Variants in MYO16 observed in about 807,000 individuals in gnomAD.
MYO16 encodes myosin XVI, also known as unconventional myosin-XVI.
Under a neutral mutation model 205.3 loss-of-function variants are expected in MYO16, and 94 were observed. The observed-to-expected ratio is 0.46, with a 90% CI of 0.39 to 0.54. The LOEUF is 0.54. Ranked by LOEUF, MYO16 falls within the 20% of genes least tolerant of loss-of-function variation. The pLI is 0.00. For missense variants in MYO16, 2,315 were observed against 2,387.5 expected, an observed-to-expected ratio of 0.97 and a Z score of 0.63; for synonymous variants, 988 against 954.0, an observed-to-expected ratio of 1.04 and a Z score of -0.66.
chr13:108,659,275 A>G (rs1419007684), intron 1 of MYO16: 1 of 185,006 alleles, frequency 5.4e-6, no homozygotes, highest in Non-Finnish European at 1.0e-5. Flanking sequence ...TATCATATAT[A>G]TGATAGTATA....
At chr13:108,747,771 G>T (rs1163511881) in intron 4 of MYO16, among the ~76,000 whole-genome samples, 1 of 151,924 alleles carries the variant, frequency 6.6e-6, no homozygotes, top group African/African-American at 2.4e-5. Context: ...TCCAACTCTA[G>T]GTCGTCTACT....
At chr13:108,568,237 A>C in the MYO16 span, among the ~76,000 whole-genome samples, 1 of 152,188 alleles carries the variant, frequency 6.6e-6, no homozygotes, top group Admixed American at 6.5e-5. Flanking sequence ...TTGCTGGGTC[A>C]CATGATAACT....
At chr13:108,625,543 A>T (rs559452383), upstream of MYO16, among the ~76,000 whole-genome samples, 40 of 151,852 alleles carry the variant, frequency 2.6e-4, no homozygotes, top group Non-Finnish European at 5.0e-4. Context: ...GACTCCATTC[A>T]CCCAGAAGCA....
At chr13:109,075,885 G>T (rs184215583) in intron 27 of MYO16, among the ~76,000 whole-genome samples, 1 of 152,176 alleles carries the variant, frequency 6.6e-6, no homozygotes, top group Non-Finnish European at 1.5e-5. Context: ...TGCAGAATTG[G>T]TATTAATTTT....
chr13:109,082,495 AG>A (rs2139672734), intron 27 of MYO16, among the ~76,000 whole-genome samples: 1 of 152,350 alleles, frequency 6.6e-6, no homozygotes, highest in South Asian at 2.1e-4. Flanking sequence ...GGTCTAGCTT[AG>A]GTTACAGGAA....
At chr13:108,824,351 A>G (rs914769370) in intron 9 of MYO16, among the ~76,000 whole-genome samples, 4 of 152,116 alleles carry the variant, frequency 2.6e-5, no homozygotes, top group Non-Finnish European at 4.4e-5. Context: ...ATTGAAAAGC[A>G]TAGAAATACC....
chr13:109,174,877 G>A (rs373904393), intron 33 of MYO16, among the ~76,000 whole-genome samples: 6 of 147,940 alleles, frequency 4.1e-5, no homozygotes, highest in South Asian at 2.2e-4. Flanking sequence ...TCAGCCTCCC[G>A]AGTAGCTGGG....
intron 1 of MYO16, among the ~76,000 whole-genome samples, chr13:108,609,098 G>A (rs963217415): frequency 5.3e-5 from 8 of 152,162 alleles, no homozygotes; most frequent in African/African-American, 1.9e-4. Context: ...GGCAGGTTCA[G>A]CTCCTCTCAC....
the MYO16 span, among the ~76,000 whole-genome samples, chr13:108,535,428 T>C: frequency 6.6e-6 from 1 of 152,218 alleles, no homozygotes; most frequent in Non-Finnish European, 1.5e-5. Flanking sequence ...TTCTATCTGG[T>C]GGCTTCCCAT....
At chr13:108,547,676 T>C in the MYO16 span, among the ~76,000 whole-genome samples, 3 of 152,214 alleles carry the variant, frequency 2.0e-5, no homozygotes, top group Non-Finnish European at 2.9e-5. Flanking sequence ...ATCTAAGAGC[T>C]TACAAATAAA....
Position 108,806,748 on chromosome 13 carries a change from A to C in MYO16, c.811A>C (p.Asn271His). 6.2e-7 allele frequency: 1 copy of C among 1,613,360 alleles called. No individual in the cohort carries two copies. The highest frequency in any genetic ancestry group is 8.5e-7 in the Non-Finnish European group (1 of 1,179,404). The change falls in exon 7 of 35, where the codon AAC becomes CAC. Residue 271 changes from asparagine to histidine, a missense_variant. Around this residue, in one of 3 missense-constraint regions of MYO16, gnomAD observed 1,213 missense variants for 1,274.4 expected, o/e 0.95. Transcript: ENST00000457511. ...TATCCTGGAACATGGTGGAGACCTC[A>C]ACATAGTAGATGATCAGTACTGGAC... ...SLILEHGGDL[N>H]IVDDQYWTPL...
chr13:109,139,625 C>T (rs1876941674), intron 31 of MYO16, among the ~76,000 whole-genome samples: 1 of 152,114 alleles, frequency 6.6e-6, no homozygotes, highest in Admixed American at 6.6e-5. Flanking sequence ...CTGAGCTCTC[C>T]GAAAAAGAAA....
intron 1 of MYO16, among the ~76,000 whole-genome samples, chr13:108,659,785 C>A (rs548017843): frequency 6.6e-6 from 1 of 152,312 alleles, no homozygotes; most frequent in Admixed American, 6.5e-5. Context: ...TATTGACTAC[C>A]TCCTGTTCCA....
At chr13:108,947,670 C>A (rs1179287960) in intron 16 of MYO16, among the ~76,000 whole-genome samples, 1 of 152,200 alleles carries the variant, frequency 6.6e-6, no homozygotes, top group East Asian at 1.9e-4. Context: ...GACACAGCCA[C>A]CCTGTCTGTC....
At chr13:108,571,020 G>A in the MYO16 span, among the ~76,000 whole-genome samples, 1 of 152,008 alleles carries the variant, frequency 6.6e-6, no homozygotes, top group African/African-American at 2.4e-5. Flanking sequence ...ATAATTTTGG[G>A]TTTTTGGTAT....
intron 16 of MYO16, among the ~76,000 whole-genome samples, chr13:108,952,344 A>C (rs1366808852): frequency 2.0e-5 from 3 of 152,128 alleles, no homozygotes; most frequent in Non-Finnish European, 4.4e-5. Context: ...GAAACTCCTA[A>C]GCTTGAGAGA....
At chr13:108,624,781 CTGAGTGTGTGTGTG>C (rs1400849024), upstream of MYO16, among the ~76,000 whole-genome samples, 58 of 121,640 alleles carry the variant, frequency 4.8e-4, no homozygotes, top group African/African-American at 3.8e-4. Flanking sequence ...CCCATATAGC[CTGAGTGTGTGTGTG>C]TGTGTGTGTG....
At chr13:108,769,637 A>G (rs1373294372) in intron 4 of MYO16, among the ~76,000 whole-genome samples, 2 of 152,216 alleles carry the variant, frequency 1.3e-5, no homozygotes, top group Non-Finnish European at 2.9e-5. Context: ...AGCAACCGCT[A>G]GAGCAATCTG....
chr13:108,770,459 G>C (rs1044344391), intron 4 of MYO16, among the ~76,000 whole-genome samples: 1 of 151,834 alleles, frequency 6.6e-6, no homozygotes, highest in Non-Finnish European at 1.5e-5. Context: ...TTTCCTCATC[G>C]GGATGTTTTA....
Sources: allele counts gnomAD v4.1 joint callset (sites outside exome capture counted in the v4.1 genomes callset), GRCh38; gene constraint gnomAD v4.1.1; regional missense constraint gnomAD v4.1.1; transcripts MANE v1.5; gene names NCBI Gene and HGNC (gene_info 2026-07-23, HGNC 2026-07-21).